Variants in FGD4 observed in about 807,000 individuals in gnomAD.
FGD4 encodes the protein FYVE, RhoGEF and PH domain containing 4.
A neutral mutation model predicts 102.0 loss-of-function variants in FGD4; 42 were observed. The observed-to-expected ratio is 0.41, with a 90% CI of 0.32 to 0.53. FGD4 has a LOEUF of 0.53. Ranked by LOEUF, FGD4 falls within the 20% of genes least tolerant of loss-of-function variation. The pLI, the probability that FGD4 is intolerant of heterozygous loss-of-function variation, is 0.21. For missense variants in FGD4, 902 were observed against 1,078.2 expected (o/e 0.84, Z 2.29); for synonymous variants, 380 against 375.7 (o/e 1.01, Z -0.13).
At chr12:32,640,233 C>A (rs752741080) in intron 16 of FGD4, 43 bp from the exon 17 acceptor site, 1 of 1,613,968 alleles carries the variant, frequency 6.2e-7, no homozygotes, top group Non-Finnish European at 8.5e-7. Context: ...ACTTAACAAG[C>A]GAATACATCA....
chr12:32,422,286 T>G, intron 1 of FGD4, among the ~76,000 whole-genome samples: 1 of 128,636 alleles, frequency 7.8e-6, no homozygotes, highest in Non-Finnish European at 1.6e-5. Context: ...AATTGGGAGC[T>G]GCTTTTTTTT....
intron 15 of FGD4, chr12:32,637,713 T>C (rs1252019814): frequency 6.6e-6 from 1 of 152,314 alleles, no homozygotes; most frequent in Non-Finnish European, 1.5e-5. Flanking sequence ...GAGGCACATC[T>C]TACATGGTGG....
chr12:32,550,209 T>C (rs1001423420), intron 1 of FGD4, among the ~76,000 whole-genome samples: 3 of 152,134 alleles, frequency 2.0e-5, no homozygotes, highest in Non-Finnish European at 4.4e-5. Context: ...ACTCAGTACA[T>C]TTAAATAGGG....
At chr12:32,523,426 T>C (rs1421892131) in intron 1 of FGD4, among the ~76,000 whole-genome samples, 2 of 152,160 alleles carry the variant, frequency 1.3e-5, no homozygotes, top group Non-Finnish European at 2.9e-5. Flanking sequence ...ACTGAAACTC[T>C]GTACTCATTA....
At chr12:32,418,475 C>A (rs1473576624) in intron 1 of FGD4, among the ~76,000 whole-genome samples, 2 of 152,050 alleles carry the variant, frequency 1.3e-5, no homozygotes, top group African/African-American at 2.4e-5. Flanking sequence ...AGAGGTACCA[C>A]CTTGATGATC....
intron 1 of FGD4, among the ~76,000 whole-genome samples, chr12:32,411,360 C>G (rs1941200294): frequency 6.6e-6 from 1 of 151,646 alleles, no homozygotes; most frequent in Admixed American, 6.6e-5. Context: ...ATGGTGAAAC[C>G]CCCTCTCTAC....
chr12:32,619,837 C>T lies in FGD4; in HGVS notation c.1889C>T (p.Ser630Phe). 1 of 1,613,996 alleles carries T rather than the reference C, an allele frequency of 6.2e-7. No homozygotes were observed. The highest frequency in any genetic ancestry group is 8.5e-7 in the Non-Finnish European group (1 of 1,179,936). Residue 630 changes from serine to phenylalanine, a missense_variant, in exon 11 of 17, where the codon TCT becomes TTT. Physicochemically the swap from Ser to Phe is radical, Grantham distance 155. This residue lies in a region of FGD4 where 459 missense variants were observed against 619.0 expected (regional missense o/e 0.74). Coordinates refer to ENST00000534526, the MANE Select transcript of FGD4 (RefSeq NM_001370298.3). The stretch of plus-strand genomic sequence containing the variant: ...GAATATCCACATACTTTCCAGGTGT[C>T]TGGGAAAGAGAGAACACTGGAACTG... ...NEEYPHTFQV[S>F]GKERTLELQA...
intron 2 of FGD4, among the ~76,000 whole-genome samples, chr12:32,573,993 G>A (rs1180660770): frequency 6.6e-6 from 1 of 152,092 alleles, no homozygotes; most frequent in African/African-American, 2.4e-5. Flanking sequence ...CTATTTTACT[G>A]CAGCTTTATT....
At chr12:32,492,538 A>G (rs966584311) in intron 1 of FGD4, among the ~76,000 whole-genome samples, 12 of 152,182 alleles carry the variant, frequency 7.9e-5, no homozygotes, top group African/African-American at 2.9e-4. Context: ...GTTAGTTGCA[A>G]CTCATATTTT....
chr12:32,611,521 T>G (rs1001099856), intron 10 of FGD4, among the ~76,000 whole-genome samples: 1 of 151,990 alleles, frequency 6.6e-6, no homozygotes, highest in Non-Finnish European at 1.5e-5. Flanking sequence ...ACCTGGGAAG[T>G]GAGCTGGTTG....
intron 1 of FGD4, among the ~76,000 whole-genome samples, chr12:32,404,256 C>A (rs1253300311): frequency 6.6e-6 from 1 of 151,190 alleles, no homozygotes; most frequent in East Asian, 1.9e-4. Flanking sequence ...TATGTAAGTA[C>A]AGTTTTTTTT....
At chr12:32,626,692 T>A (rs1266722770) in intron 14 of FGD4, among the ~76,000 whole-genome samples, 3 of 152,106 alleles carry the variant, frequency 2.0e-5, no homozygotes, top group Non-Finnish European at 2.9e-5. Context: ...CAAGTAGATG[T>A]TCTGGCTTTG....
chr12:32,537,812 T>C (rs4931016), intron 1 of FGD4, among the ~76,000 whole-genome samples: 65,904 of 152,168 alleles, frequency 0.43, 14,506 homozygotes, highest in Middle Eastern at 0.65. Flanking sequence ...CCTCCCTGTA[T>C]ATAGGATATA....
At chr12:32,480,610 C>T (rs1264792016) in intron 1 of FGD4, among the ~76,000 whole-genome samples, 1 of 151,746 alleles carries the variant, frequency 6.6e-6, no homozygotes, top group Non-Finnish European at 1.5e-5. Flanking sequence ...AAGTGATTCT[C>T]CTGCCTCAGC....
At chr12:32,403,131 G>A (rs1940762080) in intron 1 of FGD4, among the ~76,000 whole-genome samples, 1 of 152,116 alleles carries the variant, frequency 6.6e-6, no homozygotes, top group Middle Eastern at 3.4e-3. Flanking sequence ...AAAGAAGAAG[G>A]AACAAAAACT....
At chr12:32,416,895 C>A (rs530723220) in intron 1 of FGD4, among the ~76,000 whole-genome samples, 42 of 150,396 alleles carry the variant, frequency 2.8e-4, no homozygotes, top group Non-Finnish European at 5.2e-4. Flanking sequence ...TTTTCTTTTT[C>A]TTTTTCTTTT....
intron 1 of FGD4, among the ~76,000 whole-genome samples, chr12:32,476,518 C>T (rs1017973537): frequency 2.6e-5 from 4 of 152,152 alleles, no homozygotes; most frequent in Admixed American, 6.5e-5. Flanking sequence ...TTCTCCTCCA[C>T]GCAGCCCTTT....
intron 1 of FGD4, among the ~76,000 whole-genome samples, chr12:32,484,249 G>A (rs561853018): frequency 6.6e-6 from 1 of 152,272 alleles, no homozygotes; most frequent in Admixed American, 6.5e-5. Context: ...ATTTCTCCAA[G>A]TAGTTTTCTT....
intron 1 of FGD4, among the ~76,000 whole-genome samples, chr12:32,540,935 G>A (rs1942772874): frequency 1.3e-5 from 2 of 152,110 alleles, no homozygotes; most frequent in African/African-American, 2.4e-5. Flanking sequence ...TCCATTAAAG[G>A]ATTTTAAGCA....
Sources: allele counts gnomAD v4.1 joint callset (sites outside exome capture counted in the v4.1 genomes callset), GRCh38; gene constraint gnomAD v4.1.1; regional missense constraint gnomAD v4.1.1; transcripts MANE v1.5; gene names NCBI Gene and HGNC (gene_info 2026-07-23, HGNC 2026-07-21).